The following RIMS1 variants were observed in gnomAD, a reference collection of about 807,000 sequenced individuals.
RIMS1 encodes the protein regulating synaptic membrane exocytosis 1, also known as regulating synaptic membrane exocytosis protein 1.
A neutral mutation model predicts 214.1 loss-of-function variants in RIMS1; 83 were observed. The observed-to-expected ratio is 0.39, with a 90% CI of 0.32 to 0.47. The LOEUF is 0.47. Ranked by LOEUF, RIMS1 falls within the 20% of genes least tolerant of loss-of-function variation. RIMS1 has a pLI of 0.99. For missense variants in RIMS1, 2,050 were observed against 2,161.8 expected, an observed-to-expected ratio of 0.95 and a Z score of 1.03; for synonymous variants, 793 against 786.8, an observed-to-expected ratio of 1.01 and a Z score of -0.13.
intron 19 of RIMS1, chr6:72,261,363 C>G (rs1367484324): frequency 1.0e-6 from 1 of 987,918 alleles, no homozygotes; most frequent in East Asian, 1.1e-4. Context: ...TACAAACTTT[C>G]CCACAAAGGC....
At chr6:71,953,743 T>G (rs1281987724) in intron 1 of RIMS1, among the ~76,000 whole-genome samples, 1 of 152,196 alleles carries the variant, frequency 6.6e-6, no homozygotes, top group African/African-American at 2.4e-5. Context: ...CTCTCCAGGA[T>G]TCTCAAACCA....
intron 5 of RIMS1, 55 bp downstream of exon 5, chr6:72,179,970 G>A: frequency 8.2e-7 from 1 of 1,212,480 alleles, no homozygotes; most frequent in Non-Finnish European, 1.1e-6. Context: ...GGAGAGCAAA[G>A]CCGTTTTCAA....
At chr6:71,897,880 G>A (rs1772320300) in intron 1 of RIMS1, among the ~76,000 whole-genome samples, 1 of 152,104 alleles carries the variant, frequency 6.6e-6, no homozygotes, top group Non-Finnish European at 1.5e-5. Context: ...GAGTCACCCA[G>A]GGCTGCTAAC....
intron 2 of RIMS1, among the ~76,000 whole-genome samples, chr6:72,028,046 A>G (rs1291991517): frequency 1.3e-5 from 2 of 152,294 alleles, no homozygotes; most frequent in South Asian, 2.1e-4. Context: ...ACTGATATGT[A>G]CCAGGTTGTA....
Position 72,151,850 on chromosome 6 carries a change from AG to A in RIMS1, c.472-27723del, listed in dbSNP as rs2043639141. Among the ~76,000 whole-genome samples, 4 of 152,342 alleles carry A rather than the reference AG, an allele frequency of 2.6e-5. No individual in the cohort carries two copies. The South Asian group carries it at 8.3e-4, about 32-fold the overall frequency. On this transcript the variant is annotated intron_variant, in intron 4 of 33. Transcript: ENST00000521978. ...AAGTTTAACTGGCTCACAGTTCTGC[AG>A]GATGTACAGAAGTGTGGTGTCATAT...
intron 29 of RIMS1, among the ~76,000 whole-genome samples, chr6:72,370,222 A>T (rs2098172650): frequency 1.3e-5 from 2 of 152,262 alleles, no homozygotes; most frequent in East Asian, 3.9e-4. Flanking sequence ...ATTTGACCTG[A>T]GAAGAGGCTA....
chr6:72,170,456 G>A (rs758437527), intron 4 of RIMS1, among the ~76,000 whole-genome samples: 3 of 152,088 alleles, frequency 2.0e-5, no homozygotes, highest in Non-Finnish European at 4.4e-5. Context: ...CGATGCTCCT[G>A]CCTCAGCCTC....
chr6:72,269,340 G>A (rs1453358493), intron 22 of RIMS1, among the ~76,000 whole-genome samples: 6 of 152,110 alleles, frequency 3.9e-5, no homozygotes, highest in East Asian at 1.9e-4. Flanking sequence ...GTCTTACTCC[G>A]CTGTCCTATA....
intron 2 of RIMS1, among the ~76,000 whole-genome samples, chr6:72,040,087 A>G (rs1185294604): frequency 6.6e-6 from 1 of 152,112 alleles, no homozygotes; most frequent in African/African-American, 2.4e-5. Context: ...AATTTTTTAA[A>G]TAATTATTTT....
chr6:72,057,940 AACATATTT>A (rs1469078264), intron 2 of RIMS1, among the ~76,000 whole-genome samples: 1 of 152,216 alleles, frequency 6.6e-6, no homozygotes, highest in African/African-American at 2.4e-5. Flanking sequence ...GCTGTTGGAG[AACATATTT>A]ACATATCCAC....
Position 72,253,890 on chromosome 6 carries a change from G to A in RIMS1, c.2770+1058G>A, listed in dbSNP as rs561011731. 1.6e-4 allele frequency among the ~76,000 whole-genome samples: 25 copies of A among 151,938 alleles called. No individual in the cohort carries two copies. In the South Asian group the frequency reaches 1.7e-3, roughly 10 times the overall value. On this transcript the variant is annotated intron_variant, in intron 16 of 33. Coordinates refer to ENST00000521978, the MANE Select transcript of RIMS1 (RefSeq NM_014989.7). ...ATTTATTTATTTATTTATTTGAGAC[G>A]GAGTCTCACTCTGCTGCTAGGCTGG...
intron 2 of RIMS1, among the ~76,000 whole-genome samples, chr6:71,976,039 G>T (rs191847900): frequency 7.6e-4 from 115 of 152,074 alleles, no homozygotes; most frequent in African/African-American, 2.7e-3. Flanking sequence ...AGTTTTTGGG[G>T]ATATGGATGT....
chr6:72,235,806 AT>A, intron 8 of RIMS1, 78 bp downstream of exon 8: 1 of 608,206 alleles, frequency 1.6e-6, no homozygotes, highest in Non-Finnish European at 2.6e-6. Context: ...TCTGGCAATG[AT>A]TTTTAAATGT....
At chr6:72,302,954 C>T (rs1311140173) in intron 26 of RIMS1, among the ~76,000 whole-genome samples, 1 of 150,760 alleles carries the variant, frequency 6.6e-6, no homozygotes, top group Non-Finnish European at 1.5e-5. Context: ...ACACAAACGT[C>T]TGAAATTTCA....
chr6:72,275,545 A>T (rs934447454), intron 23 of RIMS1, among the ~76,000 whole-genome samples: 1 of 152,158 alleles, frequency 6.6e-6, no homozygotes, highest in Admixed American at 6.6e-5. Context: ...CTGATATTTT[A>T]TGAAGGTTTC....
rs781230110 is a variant in RIMS1 at position 72,402,192 on chromosome 6, G to A, written c.*1478G>A. 5 of 152,720 alleles carry A rather than the reference G, an allele frequency of 3.3e-5. No individual in the cohort carries two copies. The highest frequency in any genetic ancestry group is 3.9e-4 in the East Asian group (2 of 5,192). The allele number at this position is 152,720 out of a possible 1,614,324, so 9.5% of individuals were successfully genotyped here. On this transcript the variant is annotated 3_prime_UTR_variant, in exon 34 of 34. Coordinates refer to ENST00000521978, the MANE Select transcript of RIMS1 (RefSeq NM_014989.7). ...ATTTTAAAAAGAAAAGAAACAAAAGGTTATTTAATAATGTATGTTAGTTCC... is the reference window on the plus strand; with the variant it reads ...ATTTTAAAAAGAAAAGAAACAAAAGATTATTTAATAATGTATGTTAGTTCC...
chr6:72,022,228 C>T (rs1814917386), intron 2 of RIMS1, among the ~76,000 whole-genome samples: 1 of 152,088 alleles, frequency 6.6e-6, no homozygotes, highest in South Asian at 2.1e-4. Flanking sequence ...ATTGAAAACT[C>T]ACTGTAACTT....
intron 6 of RIMS1, among the ~76,000 whole-genome samples, chr6:72,190,566 A>G (rs1160520278): frequency 6.6e-6 from 1 of 151,920 alleles, no homozygotes; most frequent in Non-Finnish European, 1.5e-5. Context: ...TATGGTGCAG[A>G]ACCATCTGTG....
intron 2 of RIMS1, among the ~76,000 whole-genome samples, chr6:72,086,115 G>C (rs1834601718): frequency 6.6e-6 from 1 of 152,132 alleles, no homozygotes; most frequent in South Asian, 2.1e-4. Flanking sequence ...ATGCCATAGT[G>C]ATGAACCCCA....
Sources: gnomAD v4.1 joint callset for allele counts (sites outside exome capture counted in the v4.1 genomes callset) on GRCh38, gnomAD v4.1.1 for gene constraint, MANE v1.5 for transcripts, NCBI Gene and HGNC (gene_info 2026-07-23, HGNC 2026-07-21) for gene names.